The following DLC1 variants were observed in gnomAD, a reference collection of about 807,000 sequenced individuals.
DLC1 encodes the protein DLC1 Rho GTPase activating protein.
Under a neutral mutation model 140.3 loss-of-function variants are expected in DLC1, and 54 were observed. That is an observed-to-expected ratio of 0.38 (90% CI 0.31 to 0.48). The LOEUF is 0.48. Among genes scored for constraint, DLC1 ranks in the 20% least tolerant of loss-of-function variants. The pLI, the probability that DLC1 is intolerant of heterozygous loss-of-function variation, is 0.96. For synonymous variants in DLC1, 986 were observed against 728.1 expected (o/e 1.35, Z -5.70); for missense variants, 2,536 against 1,907.0 (o/e 1.33, Z -6.14).
At chr8:13,347,991 A>G (rs891801409) in intron 4 of DLC1, among the ~76,000 whole-genome samples, 106 of 152,260 alleles carry the variant, frequency 7.0e-4, no homozygotes, top group African/African-American at 2.5e-3. Flanking sequence ...TGGGAGGTGG[A>G]GGCAGGAGAA....
chr8:13,147,913 G>A (rs896635928), intron 5 of DLC1, among the ~76,000 whole-genome samples: 1 of 152,074 alleles, frequency 6.6e-6, no homozygotes, highest in African/African-American at 2.4e-5. Flanking sequence ...GCTTGAACCC[G>A]GGAGGCGGAG....
At chr8:13,369,631 C>T (rs1425428855) in intron 4 of DLC1, among the ~76,000 whole-genome samples, 1 of 152,050 alleles carries the variant, frequency 6.6e-6, no homozygotes, top group Non-Finnish European at 1.5e-5. Context: ...ATCAGAACCC[C>T]TGTTTTTTTC....
rs150079235 is a variant in DLC1 at position 13,578,993 on chromosome 8, C to T, written c.-126+25544G>A. Among the ~76,000 whole-genome samples, 40 of 151,648 alleles carry T rather than the reference C, an allele frequency of 2.6e-4. 1 individual carries two copies. The East Asian group carries it at 4.9e-3, about 19-fold the overall frequency. On this transcript the variant is annotated intron_variant, in intron 1 of 1. Transcript: ENST00000631382. ...ATTACAGGTTGGTTCCTCTGGCAAC[C>T]GGCTCCCATTCCGAGGCTATCCAGA...
chr8:13,232,600 G>T (rs192780768), intron 5 of DLC1, among the ~76,000 whole-genome samples: 5 of 152,268 alleles, frequency 3.3e-5, no homozygotes, highest in Middle Eastern at 3.4e-3. Flanking sequence ...CAAAGTGCTG[G>T]GATTACAGGC....
intron 2 of DLC1, among the ~76,000 whole-genome samples, chr8:13,452,714 C>A (rs1419590398): frequency 1.3e-5 from 2 of 151,926 alleles, no homozygotes; most frequent in East Asian, 1.9e-4. Context: ...TTTGCTACCC[C>A]CCTGATTAAT....
At chr8:13,196,976 G>C (rs1031702865) in intron 5 of DLC1, among the ~76,000 whole-genome samples, 3 of 152,178 alleles carry the variant, frequency 2.0e-5, no homozygotes, top group Non-Finnish European at 4.4e-5. Context: ...CTTCTTGAAA[G>C]TATGTTTATG....
At chr8:13,470,958 T>G (rs956927691) in intron 2 of DLC1, among the ~76,000 whole-genome samples, 7 of 152,300 alleles carry the variant, frequency 4.6e-5, no homozygotes, top group Non-Finnish European at 1.0e-4. Context: ...GGAATATTAT[T>G]TAGCCAAAAA....
intron 5 of DLC1, among the ~76,000 whole-genome samples, chr8:13,209,196 T>A (rs1216187045): frequency 6.6e-6 from 1 of 152,152 alleles, no homozygotes; most frequent in East Asian, 1.9e-4. Context: ...TGATATATAT[T>A]GATGTATGAT....
At chr8:13,391,965 G>GT (rs1201352783) in intron 4 of DLC1, among the ~76,000 whole-genome samples, 3 of 151,188 alleles carry the variant, frequency 2.0e-5, no homozygotes, top group East Asian at 1.9e-4. Flanking sequence ...TGTTGAGAAG[G>GT]TTTTTTAAGA....
chr8:13,276,155 G>T, intron 5 of DLC1: 1 of 1,429,114 alleles, frequency 7.0e-7, no homozygotes, highest in Non-Finnish European at 9.3e-7. Flanking sequence ...ACTTCAACCA[G>T]CTGATGAGAT....
chr8:13,567,539 C>T, intron 1 of DLC1: 1 of 1,551,748 alleles, frequency 6.4e-7, no homozygotes, highest in Non-Finnish European at 8.7e-7. Context: ...AACATGAGGA[C>T]AACGCCAAAA....
intron 1 of DLC1, chr8:13,567,105 C>G (rs895104102): frequency 6.4e-7 from 1 of 1,551,786 alleles, no homozygotes; most frequent in Non-Finnish European, 8.7e-7. Flanking sequence ...CCAGCTCATT[C>G]AGCTCCTCTG....
intron 4 of DLC1, among the ~76,000 whole-genome samples, chr8:13,345,256 C>T (rs1834274067): frequency 6.6e-6 from 1 of 152,104 alleles, no homozygotes; most frequent in Non-Finnish European, 1.5e-5. Context: ...CCCCAACTGT[C>T]ATGTATTCCA....
intron 5 of DLC1, among the ~76,000 whole-genome samples, chr8:13,139,272 GAGTGAGAC>G (rs1284435670): frequency 9.3e-6 from 1 of 108,016 alleles, no homozygotes; most frequent in East Asian, 3.2e-4. Flanking sequence ...CTGGGCCACA[GAGTGAGAC>G]CCTGTCTCAA....
intron 5 of DLC1, among the ~76,000 whole-genome samples, chr8:13,279,410 G>C (rs1489560476): frequency 6.6e-6 from 1 of 152,194 alleles, no homozygotes; most frequent in East Asian, 1.9e-4. Context: ...GGTTGCATTA[G>C]GTAGAATGAC....
intron 2 of DLC1, among the ~76,000 whole-genome samples, chr8:13,410,405 CAG>C (rs1481378242): frequency 7.9e-5 from 12 of 152,046 alleles, no homozygotes; most frequent in Non-Finnish European, 4.4e-5. Flanking sequence ...AACAACAAAA[CAG>C]AGATGATTAT....
intron 4 of DLC1, among the ~76,000 whole-genome samples, chr8:13,320,738 G>C (rs1024127097): frequency 1.3e-5 from 2 of 152,120 alleles, no homozygotes; most frequent in Non-Finnish European, 2.9e-5. Context: ...ACTTAGGCTG[G>C]TCATGGTGAC....
At chr8:13,393,785 C>A in intron 3 of DLC1, 92 bp from the exon 4 acceptor site, 9 of 1,447,170 alleles carry the variant, frequency 6.2e-6, no homozygotes, top group Non-Finnish European at 8.5e-6. Flanking sequence ...CTTCTTCTTT[C>A]TCCCAGTGCA....
In DLC1 at chr8:13,090,423, C is replaced by G. The variant is rs200118247; in HGVS notation, c.3903G>C (p.Glu1301Asp). Residue 1301 changes from glutamate (E) to aspartate (D), a missense_variant, in exon 15 of 18, where the codon GAG becomes GAC. By Grantham distance (45) the Glu-to-Asp change is conservative (BLOSUM62 2). Transcript: ENST00000276297. Reference sequence around the variant, plus strand: ...GTGCTTCCAGAGTGAGGGGCTTCAGCTCTTGTTCGGTATAGGAATTACGAC... The same window carrying G: ...GTGCTTCCAGAGTGAGGGGCTTCAGGTCTTGTTCGGTATAGGAATTACGAC... ...SRCRNSYTEQ[E>D]LKPLTLEALG... 6.2e-7 allele frequency: 1 copy of G among 1,614,210 alleles called. No individual in the cohort carries two copies. Among genetic ancestry groups the G allele is most frequent in the Non-Finnish European group, 8.5e-7 (1 of 1,180,050 alleles).
Sources: gnomAD v4.1 joint callset for allele counts (sites outside exome capture counted in the v4.1 genomes callset) on GRCh38, gnomAD v4.1.1 for gene constraint, MANE v1.5 for transcripts, NCBI Gene and HGNC (gene_info 2026-07-23, HGNC 2026-07-21) for gene names.